Variants in ACSF2 observed in about 807,000 individuals in gnomAD.
ACSF2 encodes acyl-CoA synthetase family member 2.
A neutral mutation model predicts 79.3 loss-of-function variants in ACSF2; 52 were observed. The ratio of observed to expected loss-of-function variants is 0.66; its 90% CI spans 0.53 to 0.83. The LOEUF is 0.83. ACSF2 is among the 40% of genes least tolerant of loss of function. The pLI is 0.00. For missense variants in ACSF2, 661 were observed against 803.3 expected (o/e 0.82, Z 2.14); for synonymous variants, 283 against 312.6 (o/e 0.91, Z 1.00).
At chr17:50,452,901 T>C (rs1212220391) in intron 1 of ACSF2, among the ~76,000 whole-genome samples, 1 of 152,218 alleles carries the variant, frequency 6.6e-6, no homozygotes, top group Non-Finnish European at 1.5e-5. Context: ...TGCCCTACCC[T>C]GGTCCCAGTT....
intron 1 of ACSF2, among the ~76,000 whole-genome samples, chr17:50,428,885 T>C (rs1054168366): frequency 6.6e-6 from 1 of 152,266 alleles, no homozygotes; most frequent in Non-Finnish European, 1.5e-5. Flanking sequence ...GCTGTGCATA[T>C]AGAGGCCACA....
chr17:50,442,914 C>G (rs747811431), intron 1 of ACSF2, among the ~76,000 whole-genome samples: 1 of 144,114 alleles, frequency 6.9e-6, no homozygotes, highest in African/African-American at 2.5e-5. Context: ...GGTTTTATTT[C>G]TTTTTTTTTT....
At position 50,460,725 on chromosome 17, in the gene ACSF2, C is replaced by T; in HGVS notation, c.177C>T (p.Ser59=). The change falls in exon 2 of 16, where the codon AGC becomes AGT. Residue 59 remains serine, a synonymous_variant. Transcript: ENST00000300441. The part of the protein sequence containing the change: ...RMVSTPIGGL[S]YVQGCTKKHL... ...TCTCCACGCCCATCGGAGGCCTCAGCTACGTTCAGGGGTGCACCAAAAAGC... is the reference window on the plus strand; with the variant it reads ...TCTCCACGCCCATCGGAGGCCTCAGTTACGTTCAGGGGTGCACCAAAAAGC... 6.2e-7 allele frequency: 1 copy of T among 1,613,368 alleles called. No individual in the cohort carries two copies. The highest frequency in any genetic ancestry group is 8.5e-7 in the Non-Finnish European group (1 of 1,179,692).
chr17:50,433,733 C>T (rs958647068), intron 1 of ACSF2, among the ~76,000 whole-genome samples: 3 of 152,144 alleles, frequency 2.0e-5, no homozygotes, highest in Non-Finnish European at 4.4e-5. Flanking sequence ...ATGTGCCCAC[C>T]TCTGCCTCCC....
intron 1 of ACSF2, among the ~76,000 whole-genome samples, chr17:50,454,259 G>C (rs2031856867): frequency 6.8e-6 from 1 of 147,434 alleles, no homozygotes; most frequent in Non-Finnish European, 1.5e-5. Flanking sequence ...CAATTCCCCT[G>C]CCTTGGCCTT....
intron 1 of ACSF2, among the ~76,000 whole-genome samples, chr17:50,429,423 A>G (rs1048097300): frequency 8.5e-5 from 13 of 152,112 alleles, no homozygotes; most frequent in African/African-American, 2.9e-4. Flanking sequence ...CTGATTGCCA[A>G]GATGGTGACT....
intron 1 of ACSF2, among the ~76,000 whole-genome samples, chr17:50,431,723 GC>G (rs2029943737): frequency 6.6e-6 from 1 of 152,098 alleles, no homozygotes; most frequent in Admixed American, 6.6e-5. Context: ...TCAAACCCCT[GC>G]CTCAAGCCAT....
At chr17:50,442,164 G>A (rs2143568030) in intron 1 of ACSF2, among the ~76,000 whole-genome samples, 1 of 152,070 alleles carries the variant, frequency 6.6e-6, no homozygotes, top group Admixed American at 6.5e-5. Flanking sequence ...AATTAGCCAG[G>A]CGTGGTGGTG....
intron 11 of ACSF2, 50 bp from the exon 12 acceptor site, chr17:50,472,378 T>C (rs1164580541): frequency 6.3e-7 from 1 of 1,590,230 alleles, no homozygotes; most frequent in South Asian, 1.1e-5. Context: ...GGACCACCTA[T>C]CCTGAAGCAA....
rs549769552 is a variant in ACSF2 at position 50,463,115 on chromosome 17, G to A, written c.793-41G>A. 2 of 1,556,744 alleles carry A rather than the reference G, an allele frequency of 1.3e-6. No homozygotes were observed. The highest frequency in any genetic ancestry group is 4.5e-5 in the East Asian group (2 of 44,612). On this transcript the variant is annotated intron_variant, in intron 6 of 15. Coordinates refer to ENST00000300441, the MANE Select transcript of ACSF2 (RefSeq NM_025149.6). The surrounding 1 kb of genome is among the most constrained non-coding windows in gnomAD (Gnocchi z 4.6). ...AGGCAGTGGCCCAGGGTGGGAAGGA[G>A]ATGAGAAGGAGGCCAAGCCATGCCC...
intron 1 of ACSF2, chr17:50,450,606 C>T (rs1413134037): frequency 6.6e-6 from 1 of 152,150 alleles, no homozygotes; most frequent in Non-Finnish European, 1.5e-5. Flanking sequence ...TCTCATAGTA[C>T]TACCAATGCT....
Position 50,473,860 on chromosome 17 carries a change from G to A in ACSF2, c.1618-34G>A, listed in dbSNP as rs758979465. 8.7e-6 allele frequency: 14 copies of A among 1,608,988 alleles called. No homozygotes were observed. In the African/African-American group the frequency reaches 1.1e-4, roughly 12 times the overall value. ...AGAAACAAGAAACACACATGAACAC[G>A]GTGATGTCTGATATTTTTCTTTGGC... On this transcript the variant is annotated intron_variant, in intron 13 of 15. Transcript: ENST00000300441.
chr17:50,474,650 G>A lies in ACSF2; in HGVS notation c.*98G>A. The A allele has an allele frequency of 1.6e-6, 2 of 1,267,360 alleles. No homozygotes were observed. The highest frequency in any genetic ancestry group is 2.3e-6 in the Non-Finnish European group (2 of 877,694). 78.5% of individuals were successfully genotyped at this position (1,267,360 alleles called of 1,614,324 possible). A position where few individuals can be genotyped will look rare whatever the true frequency, so the allele number is the denominator to read the frequency against. On this transcript the variant is annotated 3_prime_UTR_variant, in exon 16 of 16. Transcript: ENST00000300441. This position sits in a 1 kb window ranked among gnomAD's most constrained non-coding sequence, Gnocchi z 4.2. ...CTAGATGTCCCCAGCACCCAGTTCT[G>A]AGCCAGGCACATCAAATGTCAAGGA...
At chr17:50,431,216 T>C (rs2029897532) in intron 1 of ACSF2, among the ~76,000 whole-genome samples, 1 of 152,238 alleles carries the variant, frequency 6.6e-6, no homozygotes, top group Non-Finnish European at 1.5e-5. Context: ...TCTGTTTTAG[T>C]TACCCTCCTC....
At chr17:50,462,820 T>G (rs1197966100) in intron 6 of ACSF2, 1 of 591,054 alleles carries the variant, frequency 1.7e-6, no homozygotes. Context: ...CAGTGGCAGA[T>G]TCACTGAACC....
At chr17:50,461,927 G>GGTGTGTGTGTGTGTGTGTGTGT (rs35178435) in intron 4 of ACSF2, among the ~76,000 whole-genome samples, 2 of 148,120 alleles carry the variant, frequency 1.4e-5, no homozygotes, top group African/African-American at 5.0e-5. Flanking sequence ...TCAGGGCAGA[G>GGTGTGTGTGTGTGTGTGTGTGT]GTGTGTGTGT....
intron 1 of ACSF2, among the ~76,000 whole-genome samples, chr17:50,445,644 T>G (rs921223920): frequency 1.3e-5 from 2 of 152,034 alleles, no homozygotes; most frequent in African/African-American, 4.8e-5. Flanking sequence ...AAAAAAAATT[T>G]TTTTTAATTA....
chr17:50,426,439 G>A, intron 1 of ACSF2, 50 bp downstream of exon 1: 3 of 1,276,156 alleles, frequency 2.4e-6, no homozygotes, highest in Non-Finnish European at 3.0e-6. Context: ...CCCCGGGAGA[G>A]GAACTTGGAG....
intron 1 of ACSF2, among the ~76,000 whole-genome samples, chr17:50,444,881 G>T (rs1253881003): frequency 6.6e-6 from 1 of 152,000 alleles, no homozygotes; most frequent in Non-Finnish European, 1.5e-5. Context: ...GTGTCACTTG[G>T]TCTGTTTTGG....
Sources: allele counts gnomAD v4.1 joint callset (sites outside exome capture counted in the v4.1 genomes callset), GRCh38; gene constraint gnomAD v4.1.1; non-coding constraint Gnocchi (gnomAD v3.1); transcripts MANE v1.5; gene names NCBI Gene and HGNC (gene_info 2026-07-23, HGNC 2026-07-21).